FHIT: variants seen among roughly 807,000 people sequenced by gnomAD.
The protein encoded by FHIT is bis(5'-adenosyl)-triphosphatase.
Under a neutral mutation model 17.9 loss-of-function variants are expected in FHIT, and 19 were observed. The ratio of observed to expected loss-of-function variants is 1.06; its 90% CI spans 0.74 to 1.56. FHIT has a LOEUF of 1.56. FHIT is among the 40% of genes most tolerant of loss of function. FHIT has a pLI of 0.00. For missense variants in FHIT, 248 were observed against 189.2 expected (o/e 1.31, Z -1.82); for synonymous variants, 81 against 69.7 (o/e 1.16, Z -0.81).
intron 4 of FHIT, among the ~76,000 whole-genome samples, chr3:60,729,349 A>C (rs782050832): frequency 5.3e-5 from 8 of 152,218 alleles, no homozygotes; most frequent in Non-Finnish European, 8.8e-5. Flanking sequence ...ACTCCTTAGA[A>C]AGTTACGCAA....
chr3:60,507,054 A>T (rs1291239477), intron 5 of FHIT, among the ~76,000 whole-genome samples: 1 of 152,216 alleles, frequency 6.6e-6, no homozygotes, highest in African/African-American at 2.4e-5. Flanking sequence ...TTGCACCATC[A>T]TTCTAGCACA....
At chr3:61,181,772 G>C (rs1264245075) in intron 2 of FHIT, among the ~76,000 whole-genome samples, 1 of 152,172 alleles carries the variant, frequency 6.6e-6, no homozygotes, top group Non-Finnish European at 1.5e-5. Flanking sequence ...TATTCTTGGA[G>C]AAAAATCTCT....
chr3:60,091,485 G>A (rs1703728933), intron 5 of FHIT, among the ~76,000 whole-genome samples: 1 of 152,152 alleles, frequency 6.6e-6, no homozygotes, highest in Admixed American at 6.5e-5. Context: ...ATGTGATCTG[G>A]CACAGAACAT....
intron 4 of FHIT, among the ~76,000 whole-genome samples, chr3:60,583,868 T>C (rs559408298): frequency 1.3e-5 from 2 of 152,266 alleles, no homozygotes; most frequent in African/African-American, 4.8e-5. Context: ...AACCACTTTT[T>C]GCTATTGTAT....
intron 4 of FHIT, among the ~76,000 whole-genome samples, chr3:60,674,910 C>T (rs1264432032): frequency 1.3e-5 from 2 of 152,198 alleles, no homozygotes; most frequent in African/African-American, 2.4e-5. Flanking sequence ...CTACCTCATG[C>T]ATCTCTCTTA....
At chr3:60,367,680 A>G (rs2107037070) in intron 5 of FHIT, among the ~76,000 whole-genome samples, 1 of 152,352 alleles carries the variant, frequency 6.6e-6, no homozygotes, top group African/African-American at 2.4e-5. Flanking sequence ...AAAAACAACA[A>G]AGCAAAAGTT....
chr3:60,636,470 A>C (rs1024525792), intron 4 of FHIT, among the ~76,000 whole-genome samples: 2 of 152,188 alleles, frequency 1.3e-5, no homozygotes, highest in Non-Finnish European at 2.9e-5. Flanking sequence ...TTTCCACAAA[A>C]GGGAGCTGGA....
chr3:60,714,343 A>C (rs1275531416), intron 4 of FHIT, among the ~76,000 whole-genome samples: 4 of 152,106 alleles, frequency 2.6e-5, no homozygotes, highest in Admixed American at 6.6e-5. Context: ...AATGGGCAAA[A>C]ACCGGAAGCA....
intron 5 of FHIT, among the ~76,000 whole-genome samples, chr3:60,413,509 CTGATATACCACATGTTCAT>C (rs1301897986): frequency 1.3e-5 from 2 of 152,168 alleles, no homozygotes; most frequent in East Asian, 3.8e-4. Flanking sequence ...TTGCCAGACC[CTGATATACCACATGTTCAT>C]TTCTCAATAA....
At chr3:60,968,571 CCCAGCTAGT>C in intron 3 of FHIT, among the ~76,000 whole-genome samples, 1 of 152,172 alleles carries the variant, frequency 6.6e-6, no homozygotes. Flanking sequence ...TGCCACCACA[CCCAGCTAGT>C]TTTTGTATTT....
At chr3:60,147,073 T>G (rs1313149266) in intron 5 of FHIT, among the ~76,000 whole-genome samples, 1 of 152,174 alleles carries the variant, frequency 6.6e-6, no homozygotes. Flanking sequence ...GAACTGGTAA[T>G]ATTGCTTGCA....
chr3:61,208,512 T>C (rs1175840627), intron 1 of FHIT, among the ~76,000 whole-genome samples: 1 of 152,112 alleles, frequency 6.6e-6, no homozygotes, highest in Non-Finnish European at 1.5e-5. Flanking sequence ...ATTGGGTGCA[T>C]ATATATTTAG....
intron 4 of FHIT, among the ~76,000 whole-genome samples, chr3:60,587,236 C>T (rs1265823045): frequency 1.3e-5 from 2 of 151,988 alleles, no homozygotes; most frequent in Non-Finnish European, 2.9e-5. Flanking sequence ...TCATCTTCAG[C>T]AAACTAACAC....
At chr3:60,175,302 A>C (rs1701618348) in intron 5 of FHIT, among the ~76,000 whole-genome samples, 1 of 152,172 alleles carries the variant, frequency 6.6e-6, no homozygotes, top group Admixed American at 6.5e-5. Flanking sequence ...ATATAAAACT[A>C]ATGTGAGTGC....
rs879629535 is a variant in FHIT, at chr3:61,156,019, G to C, written c.-164+44598C>G. On this transcript the variant is annotated intron_variant, in intron 2 of 9. Coordinates refer to ENST00000492590, the MANE Select transcript of FHIT (RefSeq NM_002012.4). The stretch of plus-strand genomic sequence containing the variant: ...CCAGCCCCCAATAACAGCCTTGGGT[G>C]CTGATGCCCTAACAAGCTTCTCTGT... Among the ~76,000 whole-genome samples, 7 of 152,280 alleles carry C rather than the reference G, an allele frequency of 4.6e-5. No homozygotes were observed. In the East Asian group the frequency reaches 1.4e-3, roughly 29 times the overall value.
At chr3:60,672,874 C>CTTGTGTGTGTGT in intron 4 of FHIT, among the ~76,000 whole-genome samples, 1 of 139,566 alleles carries the variant, frequency 7.2e-6, no homozygotes, top group South Asian at 2.4e-4. Flanking sequence ...CTCTTTGTAG[C>CTTGTGTGTGTGT]GTGTGTGTGT....
chr3:60,892,826 A>G (rs1232514442), intron 3 of FHIT, among the ~76,000 whole-genome samples: 1 of 152,204 alleles, frequency 6.6e-6, no homozygotes, highest in African/African-American at 2.4e-5. Context: ...ATATGATATA[A>G]GGTTAAGTGA....
chr3:60,012,423 C>T (rs947595457), intron 6 of FHIT, among the ~76,000 whole-genome samples: 16 of 151,808 alleles, frequency 1.1e-4, no homozygotes, highest in African/African-American at 3.6e-4. Flanking sequence ...CATGCACCAT[C>T]ATGCCTGGCT....
Position 60,090,875 on chromosome 3 carries a change from A to C in FHIT, c.104-76723T>G, listed in dbSNP as rs532412509. On this transcript the variant is annotated intron_variant, in intron 5 of 9. Transcript: ENST00000492590. ...TTGTCTGAGCTCTGGGGTCGGGGTA[A>C]GGTCCGCAAGGTGGAAGTGAAGGAA... 1.1e-4 allele frequency among the ~76,000 whole-genome samples: 17 copies of C among 152,300 alleles called. No individual in the cohort carries two copies. The East Asian group carries it at 2.9e-3, about 26-fold the overall frequency.
Sources: allele counts gnomAD v4.1 joint callset (sites outside exome capture counted in the v4.1 genomes callset), GRCh38; gene constraint gnomAD v4.1.1; transcripts MANE v1.5; gene names NCBI Gene and HGNC (gene_info 2026-07-23, HGNC 2026-07-21).